NEK3: variants seen among roughly 807,000 people sequenced by gnomAD.
The protein encoded by NEK3 is serine/threonine-protein kinase Nek3.
A neutral mutation model predicts 66.0 loss-of-function variants in NEK3; 54 were observed. That is an observed-to-expected ratio of 0.82 (90% CI 0.66 to 1.03). The LOEUF is 1.03. Ranked by LOEUF, NEK3 falls within the 50% of genes least tolerant of loss-of-function variation. NEK3 has a pLI of 0.00. For synonymous variants in NEK3, 200 were observed against 206.2 expected (o/e 0.97, Z 0.26); for missense variants, 593 against 603.0 (o/e 0.98, Z 0.17).
chr13:52,142,521 C>T (rs1350959492), intron 10 of NEK3, among the ~76,000 whole-genome samples: 1 of 152,168 alleles, frequency 6.6e-6, no homozygotes, highest in African/African-American at 2.4e-5. Flanking sequence ...CATGATCTAC[C>T]CGCCTCGGCT....
chr13:52,155,240 T>C (rs956170309), intron 2 of NEK3, among the ~76,000 whole-genome samples: 1 of 152,184 alleles, frequency 6.6e-6, no homozygotes, highest in African/African-American at 2.4e-5. Flanking sequence ...TATTAGAATG[T>C]ATTTTTAAAA....
At chr13:52,151,415 A>C (rs1460417501) in intron 5 of NEK3, 23 bp from the exon 6 acceptor site, 11 of 1,554,452 alleles carry the variant, frequency 7.1e-6, no homozygotes, top group Non-Finnish European at 7.9e-6. Flanking sequence ...AGAAAAGCTC[A>C]GATTATGTCT....
At chr13:52,147,266 C>T (rs891791954) in intron 8 of NEK3, among the ~76,000 whole-genome samples, 3 of 152,208 alleles carry the variant, frequency 2.0e-5, no homozygotes, top group Non-Finnish European at 2.9e-5. Flanking sequence ...AGCAGTTCCA[C>T]TGCTAAATGT....
intron 14 of NEK3, among the ~76,000 whole-genome samples, chr13:52,135,070 T>C (rs1403670508): frequency 6.6e-6 from 1 of 152,212 alleles, no homozygotes; most frequent in African/African-American, 2.4e-5. Flanking sequence ...CCTAGCAAGA[T>C]GGCTTAGTAA....
intron 14 of NEK3, among the ~76,000 whole-genome samples, chr13:52,134,213 C>A (rs1005690476): frequency 6.6e-6 from 1 of 152,016 alleles, no homozygotes; most frequent in Non-Finnish European, 1.5e-5. Flanking sequence ...TTAGTAGAGG[C>A]GAGGTCTCGC....
intron 14 of NEK3, 26 bp from the exon 15 acceptor site, chr13:52,133,841 T>C (rs748382565): frequency 6.3e-7 from 1 of 1,579,178 alleles, no homozygotes; most frequent in South Asian, 1.2e-5. Context: ...ACAGAAAATA[T>C]ACCAATTTAA....
At chr13:52,149,635 C>T (rs563709325) in intron 7 of NEK3, among the ~76,000 whole-genome samples, 5 of 152,084 alleles carry the variant, frequency 3.3e-5, no homozygotes, top group South Asian at 4.2e-4. Flanking sequence ...TTTGGGAGGC[C>T]GAGCCGGGCA....
At chr13:52,159,694 G>C (rs74087072), upstream of NEK3, 1 of 152,268 alleles carries the variant, frequency 6.6e-6, no homozygotes, top group Non-Finnish European at 1.5e-5. Context: ...GGCCTACGAA[G>C]AGCACGTTTT....
chr13:52,150,848 A>C (rs1410499985), intron 7 of NEK3, among the ~76,000 whole-genome samples: 1 of 152,222 alleles, frequency 6.6e-6, no homozygotes, highest in Admixed American at 6.5e-5. Context: ...TGGGAGCAAC[A>C]GTTTGGGAAC....
rs1168163177 is a variant in NEK3, at chr13:52,144,708, T to C, written c.787A>G (p.Lys263Glu). 6.2e-7 allele frequency: 1 copy of C among 1,613,760 alleles called. No homozygotes were observed. The highest frequency in any genetic ancestry group is 1.7e-5 in the Admixed American group (1 of 59,990). The change falls in exon 9 of 16, where the codon AAG (lysine) becomes GAG (glutamate). Residue 263 changes from lysine (K) to glutamate (E), a missense_variant. Physicochemically the swap from Lys to Glu is moderately conservative, Grantham distance 56. Transcript: ENST00000610828. ...GATCATACCTCGGGGGGTAAGCACT[T>C]CTGGACAAGCCGAGCTACGATGCCT... Reference protein sequence around the residue: ...SRGIVARLVQKCLPPEIIMEY... With the variant: ...SRGIVARLVQECLPPEIIMEY...
chr13:52,149,636 G>A (rs532822593), intron 7 of NEK3, among the ~76,000 whole-genome samples: 18 of 152,172 alleles, frequency 1.2e-4, no homozygotes, highest in Middle Eastern at 3.4e-3. Context: ...TTGGGAGGCC[G>A]AGCCGGGCAG....
intron 7 of NEK3, among the ~76,000 whole-genome samples, chr13:52,149,441 C>A (rs771407351): frequency 6.6e-6 from 1 of 152,106 alleles, no homozygotes; most frequent in South Asian, 2.1e-4. Context: ...ACTATTTCCC[C>A]GTTTAGTTTT....
chr13:52,147,908 A>C (rs1956307616), intron 8 of NEK3, among the ~76,000 whole-genome samples: 1 of 152,200 alleles, frequency 6.6e-6, no homozygotes, highest in African/African-American at 2.4e-5. Flanking sequence ...AGGCAGGAGA[A>C]TCACTTGAAC....
At chr13:52,145,406 C>T (rs754638626) in intron 8 of NEK3, among the ~76,000 whole-genome samples, 2 of 152,104 alleles carry the variant, frequency 1.3e-5, no homozygotes, top group Non-Finnish European at 2.9e-5. Context: ...TGGGCTCAAG[C>T]GATCCTCCCA....
chr13:52,133,706 C>A lies in NEK3; in HGVS notation c.1419G>T (p.Gly473=), dbSNP rs768942053. Residue 473 remains glycine, a synonymous_variant, in exon 15 of 16, where the codon GGG becomes GGT. Coordinates refer to ENST00000610828, the MANE Select transcript of NEK3 (RefSeq NM_002498.3). ...VILDPERLEP[G]LDEEDTDFEE... is the part of the protein sequence containing the mutation. Reference sequence around the variant, plus strand: ...CAACGTACGTGTCCTCCTCATCTAGCCCAGGCTCAAGTCGCTCTGGATCCA... The same window carrying A: ...CAACGTACGTGTCCTCCTCATCTAGACCAGGCTCAAGTCGCTCTGGATCCA... 1.3e-6 allele frequency: 2 copies of A among 1,556,270 alleles called. No individual in the cohort carries two copies. Among genetic ancestry groups the A allele is most frequent in the South Asian group, 1.2e-5 (1 of 84,370 alleles).
rs759587854 is a variant in NEK3 at position 52,148,461 on chromosome 13, C to G, written c.557G>C (p.Trp186Ser). Reference sequence around the variant, plus strand: ...TTCATACAGGATGCAACCCAAGGACCAGATGTCACTGAAAGCATAAAGAAG... The same window carrying G: ...TTCATACAGGATGCAACCCAAGGACGAGATGTCACTGAAAGCATAAAGAAG... ...NLPYNNKSDI[W>S]SLGCILYELC... Residue 186 changes from tryptophan (W) to serine (S), a missense_variant, in exon 8 of 16, where the codon TGG (tryptophan) becomes TCG (serine). Transcript: ENST00000610828. 8 of 1,613,352 alleles carry G rather than the reference C, an allele frequency of 5.0e-6. No homozygotes were observed. In the South Asian group the frequency reaches 7.7e-5, roughly 16 times the overall value.
At chr13:52,134,991 G>A (rs1160227320) in intron 14 of NEK3, among the ~76,000 whole-genome samples, 1 of 152,064 alleles carries the variant, frequency 6.6e-6, no homozygotes, top group African/African-American at 2.4e-5. Flanking sequence ...CTACATCGTT[G>A]CAATAAATAG....
At position 52,136,832 on chromosome 13, in the gene NEK3, C is replaced by T; in HGVS notation, c.998G>A (p.Ser333Asn). Reference protein sequence around the residue: ...LESINENLVESALRRVNREEK... With the variant: ...LESINENLVENALRRVNREEK... ...TTCTCTGTTTACTCTTCTCAATGCA[C>T]TTTCAACTAAATTTTCATTAATGCT... The change falls in exon 12 of 16, where the codon AGT becomes AAT. Residue 333 changes from serine (S) to asparagine (N), a missense_variant. Physicochemically the swap from Ser to Asn is conservative, Grantham distance 46. Transcript: ENST00000610828. 1 of 1,569,568 alleles carries T rather than the reference C, an allele frequency of 6.4e-7. No homozygotes were observed. Among genetic ancestry groups the T allele is most frequent in the Non-Finnish European group, 8.7e-7 (1 of 1,155,652 alleles).
At chr13:52,140,964 A>ACCACCACGCCCGG (rs1483584193) in intron 11 of NEK3, 56 bp downstream of exon 11, 8 of 1,417,612 alleles carry the variant, frequency 5.6e-6, no homozygotes, top group Non-Finnish European at 7.7e-6. Context: ...ACAGGCTTGC[A>ACCACCACGCCCGG]CCACCACGCC....
Sources: allele counts gnomAD v4.1 joint callset (sites outside exome capture counted in the v4.1 genomes callset), GRCh38; gene constraint gnomAD v4.1.1; transcripts MANE v1.5; gene names NCBI Gene and HGNC (gene_info 2026-07-23, HGNC 2026-07-21).